The following CCDC148 variants were observed in gnomAD, a reference collection of about 807,000 sequenced individuals.
CCDC148 encodes coiled-coil domain containing 148.
In CCDC148, 89 loss-of-function variants were observed where a neutral mutation model predicts 85.7. The observed-to-expected ratio is 1.04, with a 90% confidence interval of 0.87 to 1.24. The LOEUF is 1.24. Ranked by LOEUF, CCDC148 falls within the 50% of genes most tolerant of loss-of-function variation. CCDC148 has a pLI of 0.00. For missense variants in CCDC148, 692 were observed against 671.7 expected, an observed-to-expected ratio of 1.03 and a Z score of -0.33; for synonymous variants, 230 against 213.9, an observed-to-expected ratio of 1.08 and a Z score of -0.66.
intron 9 of CCDC148, among the ~76,000 whole-genome samples, chr2:158,279,892 G>C (rs200621196): frequency 0.4 from 59,526 of 148,296 alleles, 12,672 homozygotes; most frequent in South Asian, 0.6. Flanking sequence ...TCGGGTTACC[G>C]ACAAAGGGAA....
At chr2:158,181,116 G>A (rs1684880776) in intron 11 of CCDC148, among the ~76,000 whole-genome samples, 1 of 152,068 alleles carries the variant, frequency 6.6e-6, no homozygotes, top group Non-Finnish European at 1.5e-5. Flanking sequence ...AAAATACCCT[G>A]GGATTTGACA....
At chr2:158,425,502 A>G (rs78816231) in intron 1 of CCDC148, among the ~76,000 whole-genome samples, 25,227 of 152,026 alleles carry the variant, frequency 0.17, 2,221 homozygotes, top group Middle Eastern at 0.2. Context: ...GCTATCTGTT[A>G]TGACTCAATG....
chr2:158,420,836 G>A (rs931234923), intron 1 of CCDC148, among the ~76,000 whole-genome samples: 3 of 151,828 alleles, frequency 2.0e-5, no homozygotes, highest in East Asian at 1.9e-4. Flanking sequence ...GTATTCAGGA[G>A]ACCCATCTCA....
At chr2:158,361,168 G>T (rs1683927177) in intron 1 of CCDC148, among the ~76,000 whole-genome samples, 1 of 151,826 alleles carries the variant, frequency 6.6e-6, no homozygotes, top group Non-Finnish European at 1.5e-5. Context: ...AGAAATATGG[G>T]ACTATGTGAA....
intron 1 of CCDC148, among the ~76,000 whole-genome samples, chr2:158,379,726 G>T (rs1241974212): frequency 6.6e-6 from 1 of 152,162 alleles, no homozygotes; most frequent in African/African-American, 2.4e-5. Flanking sequence ...CGCTGAGGCT[G>T]AGATGAGCAT....
chr2:158,436,295 A>C lies in CCDC148; in HGVS notation c.25+20120T>G, dbSNP rs1469410878. The stretch of plus-strand genomic sequence containing the variant: ...AAACTGTCTCTCGGACCACAGTGCA[A>C]TCAAACTAGAACTTAGGATTAAGAA... On this transcript the variant is annotated intron_variant, in intron 1 of 13. Transcript: ENST00000283233. Among the ~76,000 whole-genome samples the C allele has an allele frequency of 3.9e-5, 6 of 152,356 alleles. No homozygotes were observed. In the East Asian group the frequency reaches 1.2e-3, roughly 29 times the overall value.
intron 9 of CCDC148, among the ~76,000 whole-genome samples, chr2:158,274,405 G>A (rs1521873): frequency 0.32 from 48,104 of 151,972 alleles, 8,303 homozygotes; most frequent in Middle Eastern, 0.45. Flanking sequence ...TAGATCCATC[G>A]ACACCTGCAG....
intron 9 of CCDC148, among the ~76,000 whole-genome samples, chr2:158,289,757 A>T (rs1201095316): frequency 6.6e-6 from 1 of 152,198 alleles, no homozygotes; most frequent in Non-Finnish European, 1.5e-5. Context: ...AACACATATA[A>T]AAACATTTAT....
intron 11 of CCDC148, among the ~76,000 whole-genome samples, chr2:158,181,133 A>G (rs1684881624): frequency 6.6e-6 from 1 of 152,166 alleles, no homozygotes. Flanking sequence ...GACAATTACC[A>G]TATGCTAATT....
chr2:158,355,748 C>T (rs1683595873), intron 2 of CCDC148, among the ~76,000 whole-genome samples: 1 of 128,766 alleles, frequency 7.8e-6, no homozygotes, highest in African/African-American at 3.5e-5. Context: ...TCATATGGAA[C>T]CAAAAAAGAG....
chr2:158,262,474 A>G (rs1355721119), intron 9 of CCDC148, among the ~76,000 whole-genome samples: 3 of 152,022 alleles, frequency 2.0e-5, no homozygotes, highest in South Asian at 2.1e-4. Flanking sequence ...GAGTTTACCT[A>G]TGTAACAAAC....
chr2:158,277,601 T>G (rs555252330), intron 9 of CCDC148, among the ~76,000 whole-genome samples: 1 of 152,144 alleles, frequency 6.6e-6, no homozygotes, highest in South Asian at 2.1e-4. Context: ...GTTTTTTTGT[T>G]TTTTTTTGTT....
At chr2:158,272,284 G>T (rs1037798873) in intron 9 of CCDC148, among the ~76,000 whole-genome samples, 1 of 152,098 alleles carries the variant, frequency 6.6e-6, no homozygotes, top group Admixed American at 6.6e-5. Flanking sequence ...ATGTGCTAGA[G>T]GTAGAGACCA....
rs558019288 is a variant in CCDC148 at position 158,275,373 on chromosome 2, T to C, written c.1111-24461A>G. Among the ~76,000 whole-genome samples, 5 of 152,370 alleles carry C rather than the reference T, an allele frequency of 3.3e-5. No homozygotes were observed. In the East Asian group the frequency reaches 9.6e-4, roughly 29 times the overall value. On this transcript the variant is annotated intron_variant, in intron 9 of 13. Transcript: ENST00000283233. ...ATTAAGGAAGAGAACTAATTGTGAT[T>C]GTTATATTATTTAGGTTTAGACAAT...
At chr2:158,313,958 T>C in intron 7 of CCDC148, 64 bp from the exon 8 acceptor site, 20 of 1,489,114 alleles carry the variant, frequency 1.3e-5, no homozygotes, top group Non-Finnish European at 1.8e-5. Flanking sequence ...GGACTCAAAC[T>C]GTTCAAGCTA....
intron 1 of CCDC148, among the ~76,000 whole-genome samples, chr2:158,426,685 T>C (rs1687093634): frequency 6.6e-6 from 1 of 152,094 alleles, no homozygotes; most frequent in Admixed American, 6.6e-5. Context: ...GCATGCAGAG[T>C]AGTTAATCTT....
At chr2:158,338,497 G>T (rs539267398) in intron 7 of CCDC148, 1 of 369,654 alleles carries the variant, frequency 2.7e-6, no homozygotes, top group African/African-American at 2.1e-5. Context: ...CTCAATAAGA[G>T]ACATTTTCAA....
rs113596467 is a variant in CCDC148 at position 158,317,522 on chromosome 2, G to C, written c.765-3628C>G. On this transcript the variant is annotated intron_variant, in intron 7 of 13. Coordinates refer to ENST00000283233, the MANE Select transcript of CCDC148 (RefSeq NM_138803.4). ...TAATTCAGAAAACAACAACAGAGCT[G>C]TAAAAATTCACCCTGACCCAAGCCA... Among the ~76,000 whole-genome samples the C allele has an allele frequency of 3.5e-3, 533 of 152,294 alleles. 2 individuals are homozygous for C. Among genetic ancestry groups the C allele is most frequent in the African/African-American group, 0.012 (512 of 41,564 alleles).
intron 1 of CCDC148, among the ~76,000 whole-genome samples, chr2:158,371,452 G>A (rs1684437350): frequency 6.6e-6 from 1 of 151,978 alleles, no homozygotes; most frequent in African/African-American, 2.4e-5. Flanking sequence ...AGTCCTACTT[G>A]CCTCTAACAG....
Sources: allele counts gnomAD v4.1 joint callset (sites outside exome capture counted in the v4.1 genomes callset), GRCh38; gene constraint gnomAD v4.1.1; transcripts MANE v1.5; gene names NCBI Gene and HGNC (gene_info 2026-07-23, HGNC 2026-07-21).